The following DVL3 variants were observed in gnomAD, a reference collection of about 807,000 sequenced individuals.
DVL3 encodes the protein dishevelled segment polarity protein 3, also known as segment polarity protein dishevelled homolog DVL-3.
Under a neutral mutation model 67.4 loss-of-function variants are expected in DVL3, and 27 were observed. The ratio of observed to expected loss-of-function variants is 0.40; its 90% CI spans 0.30 to 0.55. DVL3 has a LOEUF of 0.55. Ranked by LOEUF, DVL3 falls within the 20% of genes least tolerant of loss-of-function variation. The probability of loss-of-function intolerance (pLI) is 0.46; values close to 1 mark genes in which losing one functional copy is unlikely to be tolerated. For missense variants in DVL3, 819 were observed against 1,021.5 expected (o/e 0.80, Z 2.70); for synonymous variants, 369 against 396.8 (o/e 0.93, Z 0.83).
chr3:184,160,040 C>T (rs1687256), intron 1 of DVL3, among the ~76,000 whole-genome samples: 32,282 of 151,480 alleles, frequency 0.21, 4,485 homozygotes, highest in East Asian at 0.54. Flanking sequence ...CCTGGGTTCA[C>T]GCCATTCTCC....
At chr3:184,156,670 G>T in intron 1 of DVL3, 1 of 348,680 alleles carries the variant, frequency 2.9e-6, no homozygotes, top group Non-Finnish European at 5.7e-6. Context: ...TGGAATGTTG[G>T]AGCCGGAAGG....
Position 184,165,639 on chromosome 3 carries a change from A to T in DVL3, c.763+148A>T. ...TGATACATAAACTGATCATTTTAGT[A>T]TCTCACCATCAGGGCTATGACAGAG... On this transcript the variant is annotated intron_variant, in intron 7 of 14. Transcript: ENST00000313143. This position sits in a 1 kb window ranked among gnomAD's most constrained non-coding sequence, Gnocchi z 4.1. The T allele has an allele frequency of 1.4e-6, 1 of 698,504 alleles. No individual in the cohort carries two copies. Among genetic ancestry groups the T allele is most frequent in the South Asian group, 1.8e-5 (1 of 56,152 alleles). 43.3% of individuals were successfully genotyped at this position (698,504 alleles called of 1,614,324 possible).
chr3:184,158,296 G>A (rs904236075), intron 1 of DVL3, among the ~76,000 whole-genome samples: 4 of 150,574 alleles, frequency 2.7e-5, no homozygotes, highest in Admixed American at 6.6e-5. Flanking sequence ...TGGTGCCACT[G>A]TACTCCAGCC....
At chr3:184,169,147 G>C (rs1001116856) in intron 13 of DVL3, among the ~76,000 whole-genome samples, 1 of 152,208 alleles carries the variant, frequency 6.6e-6, no homozygotes, top group Non-Finnish European at 1.5e-5. Context: ...TCTAGGTGAA[G>C]GGGTGGGTAA....
chr3:184,163,574 G>A lies in DVL3; in HGVS notation c.162-83G>A. ...GGTGGTTTGATTCCCAGTTTAGGATGGAGGAGCCCCTGAGAGTTGGGATTT... is the reference window on the plus strand; with the variant it reads ...GGTGGTTTGATTCCCAGTTTAGGATAGAGGAGCCCCTGAGAGTTGGGATTT... On this transcript the variant is annotated intron_variant, in intron 1 of 14. Transcript: ENST00000313143. The surrounding 1 kb of genome is among the most constrained non-coding windows in gnomAD (Gnocchi z 4.5). 8.3e-7 allele frequency: 1 copy of A among 1,205,172 alleles called. No individual in the cohort carries two copies. The highest frequency in any genetic ancestry group is 1.2e-5 in the South Asian group (1 of 82,918). The allele number at this position is 1,205,172 out of a possible 1,614,324, so 74.7% of individuals were successfully genotyped here.
intron 1 of DVL3, among the ~76,000 whole-genome samples, chr3:184,160,715 A>G (rs1275747876): frequency 6.6e-6 from 1 of 152,032 alleles, no homozygotes; most frequent in African/African-American, 2.4e-5. Flanking sequence ...AGTGTGGAGC[A>G]GTGTGGTGGG....
chr3:184,171,048 T>G lies in DVL3; in HGVS notation c.*293T>G, dbSNP rs1184128717. On this transcript the variant is annotated 3_prime_UTR_variant, in exon 15 of 15. Transcript: ENST00000313143. The stretch of plus-strand genomic sequence containing the variant: ...GGACCAGACTTGTTGGTGCTACCCC[T>G]TACTCCCCTCTGCAACCCCCATTTT... The G allele has an allele frequency of 2.3e-6, 3 of 1,322,454 alleles. No individual in the cohort carries two copies. The highest frequency in any genetic ancestry group is 3.0e-5 in the African/African-American group (2 of 66,786). 81.9% of individuals were successfully genotyped at this position (1,322,454 alleles called of 1,614,324 possible).
rs1714828133 is a variant in DVL3 at position 184,171,283 on chromosome 3, C to T, written c.*528C>T. 9.6e-7 allele frequency: 1 copy of T among 1,042,278 alleles called. No homozygotes were observed. The highest frequency in any genetic ancestry group is 1.2e-6 in the Non-Finnish European group (1 of 865,944). The allele number at this position is 1,042,278 out of a possible 1,614,324, so 64.6% of individuals were successfully genotyped here. A position where few individuals can be genotyped will look rare whatever the true frequency, so the allele number is the denominator to read the frequency against. On this transcript the variant is annotated 3_prime_UTR_variant, in exon 15 of 15. Transcript: ENST00000313143. ...CTGCCCCTACTAACCATCCCCCTGCCTGCTGCCTCAGTCCTGCAACCTAAA... is the reference window on the plus strand; with the variant it reads ...CTGCCCCTACTAACCATCCCCCTGCTTGCTGCCTCAGTCCTGCAACCTAAA...
Position 184,164,152 on chromosome 3 carries a change from C to A in DVL3, c.232-115C>A. On this transcript the variant is annotated intron_variant, in intron 2 of 14. Coordinates refer to ENST00000313143, the MANE Select transcript of DVL3 (RefSeq NM_004423.4). The surrounding 1 kb of genome is among the most constrained non-coding windows in gnomAD (Gnocchi z 5.3). Reference sequence around the variant, plus strand: ...ACCCTCGCACAGCCCTGTCTTTTCTCCCTCGATATTTCCTGCTTCCTTCCT... The same window carrying A: ...ACCCTCGCACAGCCCTGTCTTTTCTACCTCGATATTTCCTGCTTCCTTCCT... The A allele has an allele frequency of 7.7e-7, 1 of 1,291,496 alleles. No individual in the cohort carries two copies. The highest frequency in any genetic ancestry group is 1.1e-6 in the Non-Finnish European group (1 of 920,538). 80.0% of individuals were successfully genotyped at this position (1,291,496 alleles called of 1,614,324 possible). A position where few individuals can be genotyped will look rare whatever the true frequency, so the allele number is the denominator to read the frequency against.
At chr3:184,156,310 G>A in intron 1 of DVL3, 1 of 456,228 alleles carries the variant, frequency 2.2e-6, no homozygotes, top group South Asian at 1.5e-5. Context: ...TGTCGGGGGT[G>A]CTCGGGCGCC....
In DVL3 at chr3:184,165,399, C is replaced by A; in HGVS notation, c.694-23C>A. 1 of 1,613,248 alleles carries A rather than the reference C, an allele frequency of 6.2e-7. No individual in the cohort carries two copies. The highest frequency in any genetic ancestry group is 1.7e-4 in the Middle Eastern group (1 of 6,060). On this transcript the variant is annotated intron_variant, in intron 6 of 14. Coordinates refer to ENST00000313143, the MANE Select transcript of DVL3 (RefSeq NM_004423.4). This position sits in a 1 kb window ranked among gnomAD's most constrained non-coding sequence, Gnocchi z 4.1. ...GAATTCCTGCCACCTCCACCTGCTG[C>A]TCAGGGCCTCTGTCTATTCCAGTCC...
Position 184,167,186 on chromosome 3 carries a change from G to A in DVL3, c.1198+211G>A, listed in dbSNP as rs1316405228. On this transcript the variant is annotated intron_variant, in intron 11 of 14. Transcript: ENST00000313143. The surrounding 1 kb of genome is among the most constrained non-coding windows in gnomAD (Gnocchi z 4.6). ...CTTCTGAACTTGTATGAGCACCCAG[G>A]GCGCCTCAGTTTCCTCTTACAAAAT... 1.3e-5 allele frequency among the ~76,000 whole-genome samples: 2 copies of A among 152,144 alleles called. No individual in the cohort carries two copies. Among genetic ancestry groups the A allele is most frequent in the African/African-American group, 4.8e-5 (2 of 41,424 alleles).
chr3:184,155,926 C>A lies in DVL3; in HGVS notation c.161+130C>A. 1 of 1,124,808 alleles carries A rather than the reference C, an allele frequency of 8.9e-7. No homozygotes were observed. The highest frequency in any genetic ancestry group is 1.5e-5 in the South Asian group (1 of 64,750). The allele number at this position is 1,124,808 out of a possible 1,614,324, so 69.7% of individuals were successfully genotyped here. The stretch of plus-strand genomic sequence containing the variant: ...GCTCTGACTTCTAGGGGCGACTCGG[C>A]CCATTTGGGCCCCTTTGGTTCCAGC... On this transcript the variant is annotated intron_variant, in intron 1 of 14. Coordinates refer to ENST00000313143, the MANE Select transcript of DVL3 (RefSeq NM_004423.4). The surrounding 1 kb of genome is among the most constrained non-coding windows in gnomAD (Gnocchi z 5.4).
chr3:184,164,256 C>T lies in DVL3; in HGVS notation c.232-11C>T, dbSNP rs756773300. On this transcript the variant is annotated splice_polypyrimidine_tract_variant and intron_variant, in intron 2 of 14. Transcript: ENST00000313143. The surrounding 1 kb of genome is among the most constrained non-coding windows in gnomAD (Gnocchi z 5.3). ...CTGTAACATACTACTCACTCAGTTT[C>T]TCCCTTTCAGCTGGTGTCAGCTGAG... The T allele has an allele frequency of 1.2e-6, 2 of 1,613,220 alleles. No homozygotes were observed. The highest frequency in any genetic ancestry group is 1.7e-5 in the Admixed American group (1 of 59,806).
chr3:184,155,771 T>C lies in DVL3; in HGVS notation c.136T>C (p.Phe46Leu). The C allele has an allele frequency of 6.2e-7, 1 of 1,612,410 alleles. No homozygotes were observed. The change falls in exon 1 of 15, where the codon TTC (phenylalanine) becomes CTC (leucine). Residue 46 changes from phenylalanine to leucine, a missense_variant. Around this residue, in one of 3 missense-constraint regions of DVL3, gnomAD observed 385 missense variants for 486.8 expected, o/e 0.79. Coordinates refer to ENST00000313143, the MANE Select transcript of DVL3 (RefSeq NM_004423.4). This position sits in a 1 kb window ranked among gnomAD's most constrained non-coding sequence, Gnocchi z 5.4. ...VLQRPSYKFFFKSMDDDFGVV... is the reference protein window; with the variant it reads ...VLQRPSYKFFLKSMDDDFGVV... ...GCAGCGACCCAGCTATAAGTTCTTC[T>C]TCAAGTCTATGGACGACGATTTCGG...
intron 1 of DVL3, among the ~76,000 whole-genome samples, chr3:184,160,514 T>A (rs1714343045): frequency 6.8e-6 from 1 of 147,322 alleles, no homozygotes; most frequent in African/African-American, 2.5e-5. Context: ...TCATTATTTG[T>A]TTGACTCCAT....
Position 184,159,730 on chromosome 3 carries a change from C to T in DVL3, c.162-3927C>T, listed in dbSNP as rs559265916. On this transcript the variant is annotated intron_variant, in intron 1 of 14. Transcript: ENST00000313143. ...GATGTCTATCCATTGAACACATGTG[C>T]TGCTCCTACGGCTCCAACCACTTCC... Among the ~76,000 whole-genome samples, 22 of 152,136 alleles carry T rather than the reference C, an allele frequency of 1.4e-4. 1 individual carries two copies. The highest frequency in any genetic ancestry group is 1.0e-3 in the South Asian group (5 of 4,826).
intron 1 of DVL3, among the ~76,000 whole-genome samples, chr3:184,157,913 C>G (rs1714252421): frequency 6.6e-6 from 1 of 152,228 alleles, no homozygotes; most frequent in Non-Finnish European, 1.5e-5. Flanking sequence ...ATATATGTTT[C>G]ATTTATTTAA....
rs1714576139 is a variant in DVL3 at position 184,166,172 on chromosome 3, G to C, written c.810G>C (p.Glu270Asp). ...TCTCCATTGTGGGCCAAAGCAACGAGCGTGGTGACGGCGGCATCTACATTG... is the reference window on the plus strand; with the variant it reads ...TCTCCATTGTGGGCCAAAGCAACGACCGTGGTGACGGCGGCATCTACATTG... ...LGISIVGQSN[E>D]RGDGGIYIGS... Residue 270 changes from glutamate (E) to aspartate (D), a missense_variant, in exon 8 of 15, where the codon GAG becomes GAC. This residue lies in a region of DVL3 where 385 missense variants were observed against 486.8 expected (regional missense o/e 0.79). Coordinates refer to ENST00000313143, the MANE Select transcript of DVL3 (RefSeq NM_004423.4). This position sits in a 1 kb window ranked among gnomAD's most constrained non-coding sequence, Gnocchi z 6.7. 19 of 1,613,698 alleles carry C rather than the reference G, an allele frequency of 1.2e-5. No individual in the cohort carries two copies. Among genetic ancestry groups the C allele is most frequent in the Non-Finnish European group, 1.6e-5 (19 of 1,179,958 alleles).
Sources: gnomAD v4.1 joint callset for allele counts (sites outside exome capture counted in the v4.1 genomes callset) on GRCh38, gnomAD v4.1.1 for gene constraint, gnomAD v4.1.1 regional missense constraint, Gnocchi (gnomAD v3.1) non-coding constraint, MANE v1.5 for transcripts, NCBI Gene and HGNC (gene_info 2026-07-23, HGNC 2026-07-21) for gene names.